The following CDH15 variants were observed in gnomAD, a reference collection of about 807,000 sequenced individuals.
CDH15 encodes cadherin-15.
In CDH15, 73 loss-of-function variants were observed where a neutral mutation model predicts 69.4. The ratio of observed to expected loss-of-function variants is 1.05; its 90% CI spans 0.87 to 1.28. The LOEUF (loss-of-function observed/expected upper bound fraction) is 1.28, where lower values mean the gene tolerates loss of function less well. Ranked by LOEUF, CDH15 falls within the 50% of genes most tolerant of loss-of-function variation. The pLI is 0.00. For missense variants in CDH15, 1,343 were observed against 1,133.6 expected (o/e 1.18, Z -2.65); for synonymous variants, 624 against 507.7 (o/e 1.23, Z -3.08).
At chr16:89,193,419 C>G (rs747577689) in intron 11 of CDH15, 51 bp from the exon 12 acceptor site, 3 of 1,539,756 alleles carry the variant, frequency 1.9e-6, no homozygotes, top group African/African-American at 1.4e-5. Flanking sequence ...GCCCGGCCCC[C>G]TGAAGTCGCG....
intron 1 of CDH15, among the ~76,000 whole-genome samples, chr16:89,175,802 C>T (rs1915244527): frequency 6.6e-6 from 1 of 152,216 alleles, no homozygotes; most frequent in African/African-American, 2.4e-5. Flanking sequence ...CCTGAGGAAC[C>T]CCCACCCCAT....
intron 4 of CDH15, among the ~76,000 whole-genome samples, chr16:89,184,468 A>G (rs980379465): frequency 1.3e-5 from 2 of 152,122 alleles, no homozygotes; most frequent in African/African-American, 2.4e-5. Flanking sequence ...GTCCTGCCAT[A>G]TGTGGTCCCT....
chr16:89,186,570 A>AAGCT (rs1915493272), intron 5 of CDH15, among the ~76,000 whole-genome samples: 1 of 105,974 alleles, frequency 9.4e-6, no homozygotes. Context: ...TGCTCTGTGA[A>AAGCT]CACCCAGCGC....
intron 10 of CDH15, 102 bp downstream of exon 10, chr16:89,191,996 G>T (rs1449790021): frequency 3.1e-6 from 4 of 1,272,366 alleles, no homozygotes; most frequent in Non-Finnish European, 4.3e-6. Context: ...ATGCAAACCC[G>T]TGGTCCTGCA....
intron 10 of CDH15, 132 bp downstream of exon 10, chr16:89,192,026 C>G: frequency 1.8e-6 from 2 of 1,138,848 alleles, no homozygotes; most frequent in South Asian, 1.5e-5. Flanking sequence ...CTCCCGCCAC[C>G]CCCCCCACCA....
At chr16:89,176,852 C>G (rs777659899) in intron 1 of CDH15, among the ~76,000 whole-genome samples, 6 of 152,104 alleles carry the variant, frequency 3.9e-5, no homozygotes, top group Non-Finnish European at 5.9e-5. Context: ...GACTCCCCAT[C>G]GCCTGCCTGG....
chr16:89,195,156 C>A lies in CDH15; in HGVS notation c.*1C>A, dbSNP rs754785652. 2 of 1,580,264 alleles carry A rather than the reference C, an allele frequency of 1.3e-6. No individual in the cohort carries two copies. The highest frequency in any genetic ancestry group is 1.1e-5 in the South Asian group (1 of 87,150). On this transcript the variant is annotated 3_prime_UTR_variant, in exon 14 of 14. Coordinates refer to ENST00000289746, the MANE Select transcript of CDH15 (RefSeq NM_004933.3). ...CAGACACAGAGGCCGGACAGCCTGA[C>A]CCTGGGGCGCAACTGGACATGCCAC... is the stretch of plus-strand genomic sequence containing the variant.
chr16:89,181,299 T>A (rs962941922), intron 3 of CDH15, among the ~76,000 whole-genome samples: 2 of 152,078 alleles, frequency 1.3e-5, no homozygotes, highest in African/African-American at 4.8e-5. Flanking sequence ...CTGATGCCCC[T>A]TGGGGGCTGG....
chr16:89,180,104 C>T, intron 2 of CDH15, 96 bp from the exon 3 acceptor site: 1 of 1,370,236 alleles, frequency 7.3e-7, no homozygotes, highest in Non-Finnish European at 1.0e-6. Context: ...CTTAGACCTG[C>T]CCTGCTGTCA....
intron 5 of CDH15, chr16:89,185,933 C>T (rs1915473610): frequency 5.9e-6 from 1 of 168,412 alleles, no homozygotes; most frequent in Non-Finnish European, 1.3e-5. Context: ...TTATCCAGCA[C>T]ACAGTAGGTG....
intron 1 of CDH15, among the ~76,000 whole-genome samples, chr16:89,176,876 TCC>T (rs1915268713): frequency 1.3e-5 from 2 of 152,116 alleles, no homozygotes; most frequent in African/African-American, 4.8e-5. Flanking sequence ...CCCCAGCACC[TCC>T]CACCCGTCCC....
chr16:89,185,344 G>T lies in CDH15; in HGVS notation c.663+11G>T. ...GGGCTGGACCGCGAGGTGAGGTGGC[G>T]CCCCGGCAGCTCCACACCCGCACGG... On this transcript the variant is annotated intron_variant, in intron 5 of 13. Transcript: ENST00000289746. The T allele has an allele frequency of 6.3e-7, 1 of 1,590,166 alleles. No homozygotes were observed. Among genetic ancestry groups the T allele is most frequent in the Non-Finnish European group, 8.6e-7 (1 of 1,168,688 alleles).
chr16:89,192,076 G>A (rs1915660487), intron 10 of CDH15, 129 bp from the exon 11 acceptor site: 2 of 1,294,660 alleles, frequency 1.5e-6, no homozygotes, highest in South Asian at 1.5e-5. Flanking sequence ...ATTGTGCCCA[G>A]AGGACGGTGG....
At position 89,175,865 on chromosome 16, in the gene CDH15, C is replaced by T. The variant is rs148431900; in HGVS notation, c.43-3551C>T. On this transcript the variant is annotated intron_variant, in intron 1 of 13. Transcript: ENST00000289746. ...TGCTACTCTCTGGACTCCCAGGAGG[C>T]CATGGAGGAGGGGACTCAGGTCCTG... 5.4e-3 allele frequency among the ~76,000 whole-genome samples: 823 copies of T among 152,358 alleles called. 5 individuals are homozygous for T. Among genetic ancestry groups the T allele is most frequent in the African/African-American group, 0.019 (779 of 41,580 alleles).
intron 4 of CDH15, among the ~76,000 whole-genome samples, chr16:89,184,114 C>T (rs1394077560): frequency 3.3e-5 from 5 of 152,118 alleles, no homozygotes; most frequent in East Asian, 1.9e-4. Flanking sequence ...CCCTGGGGGC[C>T]GGTGGTAAAG....
intron 3 of CDH15, 78 bp from the exon 4 acceptor site, chr16:89,183,470 G>T (rs1397956291): frequency 1.3e-6 from 2 of 1,541,020 alleles, no homozygotes; most frequent in Non-Finnish European, 8.9e-7. Context: ...TGAACGTGCT[G>T]TCTCTTTCGC....
chr16:89,189,386 T>C (rs1450452006), intron 7 of CDH15, among the ~76,000 whole-genome samples: 1 of 151,156 alleles, frequency 6.6e-6, no homozygotes, highest in Admixed American at 6.6e-5. Flanking sequence ...CGCACACAGA[T>C]GCCCACACAC....
chr16:89,194,314 T>C (rs992967895), intron 13 of CDH15, among the ~76,000 whole-genome samples: 1 of 152,208 alleles, frequency 6.6e-6, no homozygotes, highest in Non-Finnish European at 1.5e-5. Context: ...AGGATGAATG[T>C]GCACACGGGG....
chr16:89,190,831 G>A (rs1915621439), intron 8 of CDH15, among the ~76,000 whole-genome samples: 1 of 151,994 alleles, frequency 6.6e-6, no homozygotes, highest in Non-Finnish European at 1.5e-5. Flanking sequence ...CTGTGTCCAC[G>A]GGGCCCGGGA....
Sources: allele counts gnomAD v4.1 joint callset (sites outside exome capture counted in the v4.1 genomes callset), GRCh38; gene constraint gnomAD v4.1.1; transcripts MANE v1.5; gene names NCBI Gene and HGNC (gene_info 2026-07-23, HGNC 2026-07-21).